The following CNTNAP5 variants were observed in gnomAD, a reference collection of about 807,000 sequenced individuals.
The protein encoded by CNTNAP5 is contactin associated protein family member 5.
In CNTNAP5, 72 loss-of-function variants were observed where a neutral mutation model predicts 150.2. The ratio of observed to expected loss-of-function variants is 0.48; its 90% CI spans 0.40 to 0.58. The LOEUF (loss-of-function observed/expected upper bound fraction) is 0.58. Ranked by LOEUF, CNTNAP5 falls within the 20% of genes least tolerant of loss-of-function variation. CNTNAP5 has a pLI of 0.00. For synonymous variants in CNTNAP5, 672 were observed against 619.8 expected (o/e 1.08, Z -1.25); for missense variants, 1,636 against 1,626.2 (o/e 1.01, Z -0.10).
At chr2:124,204,418 G>A (rs546812469) in intron 1 of CNTNAP5, among the ~76,000 whole-genome samples, 35 of 152,168 alleles carry the variant, frequency 2.3e-4, no homozygotes, top group South Asian at 1.2e-3. Flanking sequence ...TGAGCCCTCC[G>A]AACTGTTCCA....
chr2:124,391,695 C>A (rs963644780), intron 3 of CNTNAP5, among the ~76,000 whole-genome samples: 1 of 152,222 alleles, frequency 6.6e-6, no homozygotes, highest in Non-Finnish European at 1.5e-5. Context: ...CTGGCTCACG[C>A]CTGTAATCCC....
chr2:124,353,966 A>G (rs900901673), intron 3 of CNTNAP5, among the ~76,000 whole-genome samples: 3 of 152,216 alleles, frequency 2.0e-5, no homozygotes, highest in African/African-American at 7.2e-5. Context: ...ACAGTATGCC[A>G]CCTGTCAGGC....
intron 1 of CNTNAP5, among the ~76,000 whole-genome samples, chr2:124,208,994 T>A (rs1452903778): frequency 2.6e-5 from 4 of 152,164 alleles, no homozygotes; most frequent in Non-Finnish European, 5.9e-5. Context: ...ATCTTCATTT[T>A]CCATGGAGGA....
At chr2:124,345,257 T>C (rs75570201) in intron 3 of CNTNAP5, among the ~76,000 whole-genome samples, 5,013 of 152,314 alleles carry the variant, frequency 0.033, 150 homozygotes, top group Non-Finnish European at 0.043. Context: ...ACTTTTCTTC[T>C]AAGGTATTCT....
At chr2:124,602,768 CA>C (rs1697014052) in intron 11 of CNTNAP5, among the ~76,000 whole-genome samples, 1 of 152,172 alleles carries the variant, frequency 6.6e-6, no homozygotes, top group Non-Finnish European at 1.5e-5. Context: ...GTTGGAATTA[CA>C]GGTGTGAACC....
At chr2:124,423,071 T>C (rs948634625) in intron 4 of CNTNAP5, among the ~76,000 whole-genome samples, 3 of 152,216 alleles carry the variant, frequency 2.0e-5, no homozygotes, top group African/African-American at 4.8e-5. Flanking sequence ...ATGTTAAATA[T>C]ATGGGCTCTG....
chr2:124,795,414 A>G (rs1681823659), intron 18 of CNTNAP5, among the ~76,000 whole-genome samples: 1 of 152,296 alleles, frequency 6.6e-6, no homozygotes, highest in Admixed American at 6.5e-5. Flanking sequence ...CTGCTCTCAG[A>G]GACATCCAGC....
At chr2:124,092,569 A>C (rs1251104371) in intron 1 of CNTNAP5, among the ~76,000 whole-genome samples, 1 of 152,230 alleles carries the variant, frequency 6.6e-6, no homozygotes, top group Non-Finnish European at 1.5e-5. Flanking sequence ...GGTGTCACCA[A>C]GTCTAGAGAG....
intron 11 of CNTNAP5, among the ~76,000 whole-genome samples, chr2:124,586,201 C>T (rs1036835513): frequency 6.6e-5 from 10 of 152,172 alleles, no homozygotes; most frequent in African/African-American, 1.7e-4. Context: ...CAAGGATCAA[C>T]GAATGAGCTG....
intron 4 of CNTNAP5, among the ~76,000 whole-genome samples, chr2:124,427,449 T>C (rs1454495998): frequency 6.6e-6 from 1 of 152,058 alleles, no homozygotes; most frequent in Non-Finnish European, 1.5e-5. Flanking sequence ...ATTTTGTTTT[T>C]TTATTATTAT....
At chr2:124,882,585 C>G (rs1050999102) in intron 21 of CNTNAP5, among the ~76,000 whole-genome samples, 1 of 152,066 alleles carries the variant, frequency 6.6e-6, no homozygotes, top group African/African-American at 2.4e-5. Flanking sequence ...ATGACACACT[C>G]TGTCTAGCGT....
chr2:124,822,910 CAT>C (rs1682520153), intron 19 of CNTNAP5, among the ~76,000 whole-genome samples: 1 of 152,180 alleles, frequency 6.6e-6, no homozygotes, highest in South Asian at 2.1e-4. Flanking sequence ...CCTTTGGGAA[CAT>C]GTGAATATTT....
At chr2:124,222,405 T>C (rs978180935) in intron 2 of CNTNAP5, among the ~76,000 whole-genome samples, 3 of 152,086 alleles carry the variant, frequency 2.0e-5, no homozygotes, top group African/African-American at 7.2e-5. Flanking sequence ...TCTAGGCAGA[T>C]ACGTTTTAGT....
chr2:124,340,725 C>T (rs1459041767), intron 3 of CNTNAP5, among the ~76,000 whole-genome samples: 2 of 150,802 alleles, frequency 1.3e-5, no homozygotes, highest in African/African-American at 4.9e-5. Context: ...TCAAGATCAT[C>T]CAGGGCAACA....
chr2:124,194,349 A>G (rs933606780), intron 1 of CNTNAP5, among the ~76,000 whole-genome samples: 2 of 129,436 alleles, frequency 1.5e-5, no homozygotes, highest in African/African-American at 2.9e-5. Context: ...TGCACATAGC[A>G]CAGGTATAAA....
rs114944443 is a variant in CNTNAP5 at position 124,718,715 on chromosome 2, G to A, written c.2078-28514G>A. ...ATGGGAAGTAAGGCCGGGCCAAAGC[G>A]AGCAGATCACGAGGTCAGGAGATCA... On this transcript the variant is annotated intron_variant, in intron 13 of 23. Coordinates refer to ENST00000682447, the MANE Select transcript of CNTNAP5 (RefSeq NM_001367498.1). 5.5e-3 allele frequency among the ~76,000 whole-genome samples: 838 copies of A among 152,130 alleles called. 8 individuals carry two copies. The highest frequency in any genetic ancestry group is 0.019 in the African/African-American group (773 of 41,514).
rs1432307962 is a variant in CNTNAP5 at position 124,030,515 on chromosome 2, C to T, written c.82+4783C>T. 2.6e-5 allele frequency among the ~76,000 whole-genome samples: 4 copies of T among 152,216 alleles called. No individual in the cohort carries two copies. In the East Asian group the frequency reaches 5.8e-4, roughly 22 times the overall value. The stretch of plus-strand genomic sequence containing the variant: ...GCAAGATATGAAACTTACTCCAAAA[C>T]ATTCACTTTGACACTGTGTATATAC... On this transcript the variant is annotated intron_variant, in intron 1 of 23. Coordinates refer to ENST00000682447, the MANE Select transcript of CNTNAP5 (RefSeq NM_001367498.1).
At chr2:124,259,170 C>G (rs981507177) in intron 3 of CNTNAP5, among the ~76,000 whole-genome samples, 9 of 152,062 alleles carry the variant, frequency 5.9e-5, no homozygotes, top group African/African-American at 2.2e-4. Flanking sequence ...ATCCATGTCC[C>G]TACAAAGGAC....
chr2:124,629,768 G>C (rs919772806), intron 12 of CNTNAP5, among the ~76,000 whole-genome samples: 1 of 117,474 alleles, frequency 8.5e-6, no homozygotes, highest in African/African-American at 3.2e-5. Context: ...ATGGATCCAG[G>C]AGCTGTTTTT....
Sources: allele counts gnomAD v4.1 joint callset (sites outside exome capture counted in the v4.1 genomes callset), GRCh38; gene constraint gnomAD v4.1.1; transcripts MANE v1.5; gene names NCBI Gene and HGNC (gene_info 2026-07-23, HGNC 2026-07-21).